The following DENND4C variants were observed in gnomAD, a reference collection of about 807,000 sequenced individuals.
DENND4C encodes the protein DENN domain containing 4C, also known as DENN domain-containing protein 4C.
DENND4C carries 108 observed loss-of-function variants against 203.0 expected under a neutral mutation model. The ratio of observed to expected loss-of-function variants is 0.53; its 90% confidence interval spans 0.46 to 0.62. DENND4C has a LOEUF of 0.62. DENND4C is among the 20% of genes least tolerant of loss of function. DENND4C has a pLI of 0.00. For synonymous variants in DENND4C, 871 were observed against 792.4 expected, an observed-to-expected ratio of 1.10 and a Z score of -1.67; for missense variants, 2,481 against 2,301.2, an observed-to-expected ratio of 1.08 and a Z score of -1.60.
intron 7 of DENND4C, 31 bp from the exon 8 acceptor site, chr9:19,299,198 T>G (rs1838057742): frequency 6.6e-7 from 1 of 1,505,670 alleles, no homozygotes; most frequent in Non-Finnish European, 8.9e-7. Context: ...TAATTTATCT[T>G]TGGTTAATTT....
At chr9:19,246,363 G>C (rs987739368) in intron 1 of DENND4C, among the ~76,000 whole-genome samples, 2 of 152,086 alleles carry the variant, frequency 1.3e-5, no homozygotes, top group East Asian at 3.8e-4. Context: ...GTGTCTGCTT[G>C]TCCTTCTACT....
intron 26 of DENND4C, among the ~76,000 whole-genome samples, chr9:19,354,720 A>G (rs1392884756): frequency 6.7e-6 from 1 of 149,996 alleles, no homozygotes; most frequent in Non-Finnish European, 1.5e-5. Context: ...TAATTTTTGT[A>G]ATTTTTGTAG....
At chr9:19,262,092 T>TC (rs1407405274) in intron 1 of DENND4C, among the ~76,000 whole-genome samples, 1 of 122,650 alleles carries the variant, frequency 8.2e-6, no homozygotes, top group African/African-American at 3.5e-5. Context: ...TTTTTTTTTT[T>TC]TTTTTTTTTT....
At chr9:19,370,562 TTA>T (rs1307632636) in intron 31 of DENND4C, among the ~76,000 whole-genome samples, 2 of 152,202 alleles carry the variant, frequency 1.3e-5, no homozygotes, top group African/African-American at 4.8e-5. Context: ...AAACCTATAA[TTA>T]TATTTATTAA....
At chr9:19,315,103 T>C (rs1307435830) in intron 10 of DENND4C, among the ~76,000 whole-genome samples, 2 of 140,074 alleles carry the variant, frequency 1.4e-5, no homozygotes, top group Non-Finnish European at 3.0e-5. Context: ...GAGGTTGCAG[T>C]GAGCTGAGAT....
intron 5 of DENND4C, among the ~76,000 whole-genome samples, chr9:19,294,587 A>G (rs1057036920): frequency 2.0e-5 from 3 of 152,228 alleles, no homozygotes; most frequent in Admixed American, 6.5e-5. Flanking sequence ...TTGTACGCCA[A>G]TGTTTGTAGC....
intron 8 of DENND4C, 146 bp from the exon 9 acceptor site, chr9:19,300,041 T>C (rs1379387659): frequency 5.6e-5 from 43 of 767,950 alleles, no homozygotes; most frequent in Non-Finnish European, 7.4e-5. Context: ...ATCTATCTTA[T>C]TAAATTTGCT....
chr9:19,319,383 T>TATATATATACATATATATATACACACAC (rs1563799204), intron 12 of DENND4C, among the ~76,000 whole-genome samples: 24 of 133,320 alleles, frequency 1.8e-4, no homozygotes, highest in African/African-American at 4.1e-4. Context: ...TACACATACA[T>TATATATATACATATATATATACACACAC]ATATATATAC....
At chr9:19,280,795 C>T (rs572579401) in intron 2 of DENND4C, among the ~76,000 whole-genome samples, 1 of 152,044 alleles carries the variant, frequency 6.6e-6, no homozygotes. Flanking sequence ...GGCTGCAGTG[C>T]AATGGTGTGA....
intron 31 of DENND4C, among the ~76,000 whole-genome samples, chr9:19,370,454 CAA>C (rs202144404): frequency 8.6e-5 from 11 of 128,542 alleles, no homozygotes; most frequent in African/African-American, 8.7e-5. Flanking sequence ...AACCCTGTCT[CAA>C]AAAAAAAAAA....
intron 1 of DENND4C, among the ~76,000 whole-genome samples, chr9:19,263,248 G>A (rs1413616535): frequency 6.6e-6 from 1 of 152,166 alleles, no homozygotes; most frequent in Non-Finnish European, 1.5e-5. Flanking sequence ...TGATCGATTT[G>A]TTTATTTGGA....
At chr9:19,348,164 G>T (rs1823318020) in intron 23 of DENND4C, among the ~76,000 whole-genome samples, 1 of 152,138 alleles carries the variant, frequency 6.6e-6, no homozygotes, top group Non-Finnish European at 1.5e-5. Context: ...AATTTTCACA[G>T]CAACCCCATG....
chr9:19,340,735 T>G (rs1821431999), intron 20 of DENND4C, among the ~76,000 whole-genome samples: 1 of 152,238 alleles, frequency 6.6e-6, no homozygotes, highest in Non-Finnish European at 1.5e-5. Context: ...AAACATCTTG[T>G]CTAAATCTTT....
At chr9:19,287,626 C>T (rs1329946716) in intron 3 of DENND4C, among the ~76,000 whole-genome samples, 7 of 152,144 alleles carry the variant, frequency 4.6e-5, no homozygotes, top group African/African-American at 1.2e-4. Context: ...GAATTACAGG[C>T]GTGAGCCACC....
chr9:19,328,419 C>T (rs1232271177), intron 16 of DENND4C, among the ~76,000 whole-genome samples: 2 of 152,148 alleles, frequency 1.3e-5, no homozygotes, highest in African/African-American at 2.4e-5. Context: ...TAGAGACCAG[C>T]CTGGCCAACA....
chr9:19,258,228 A>G (rs1338909848), intron 1 of DENND4C, among the ~76,000 whole-genome samples: 4 of 152,216 alleles, frequency 2.6e-5, no homozygotes, highest in Non-Finnish European at 5.9e-5. Context: ...ATCTACCCGC[A>G]TAAAGATCCA....
chr9:19,243,385 A>G (rs1471610706), intron 1 of DENND4C, among the ~76,000 whole-genome samples: 1 of 152,204 alleles, frequency 6.6e-6, no homozygotes, highest in Non-Finnish European at 1.5e-5. Flanking sequence ...TGCCATTTTA[A>G]CCACTTAAAA....
rs1430445615 is a variant in DENND4C, at chr9:19,373,237, G to C, written c.*1064G>C. ...TATCTTGCTTAATGGGTTTTATCTT[G>C]ATTATCCAGTTACTTCCATCCTCTT... On this transcript the variant is annotated 3_prime_UTR_variant, in exon 33 of 33. Transcript: ENST00000434457. 1.3e-5 allele frequency: 2 copies of C among 152,088 alleles called. No homozygotes were observed. Among genetic ancestry groups the C allele is most frequent in the Non-Finnish European group, 2.9e-5 (2 of 67,990 alleles). 9.4% of individuals were successfully genotyped at this position (152,088 alleles called of 1,614,324 possible). A position where few individuals can be genotyped will look rare whatever the true frequency, so the allele number is the denominator to read the frequency against.
At chr9:19,333,959 T>C (rs747421636) in intron 17 of DENND4C, among the ~76,000 whole-genome samples, 64 of 152,244 alleles carry the variant, frequency 4.2e-4, no homozygotes, top group Non-Finnish European at 7.8e-4. Context: ...TTGGAGATAC[T>C]GTCTTTAATT....
Sources: gnomAD v4.1 joint callset for allele counts (sites outside exome capture counted in the v4.1 genomes callset) on GRCh38, gnomAD v4.1.1 for gene constraint, MANE v1.5 for transcripts, NCBI Gene and HGNC (gene_info 2026-07-23, HGNC 2026-07-21) for gene names.